The following FAM3C variants were observed in gnomAD, a reference collection of about 807,000 sequenced individuals.
The protein encoded by FAM3C is FAM3 metabolism regulating signaling molecule C.
In FAM3C, 15 loss-of-function variants were observed where a neutral mutation model predicts 32.5. The ratio of observed to expected loss-of-function variants is 0.46; its 90% CI spans 0.31 to 0.71. The LOEUF is 0.71. FAM3C is among the 30% of genes least tolerant of loss of function. FAM3C has a pLI of 0.05. For missense variants in FAM3C, 175 were observed against 274.4 expected, an observed-to-expected ratio of 0.64 and a Z score of 2.56; for synonymous variants, 75 against 86.1, an observed-to-expected ratio of 0.87 and a Z score of 0.72.
At chr7:121,370,489 A>C (rs1332787262) in intron 5 of FAM3C, among the ~76,000 whole-genome samples, 1 of 152,294 alleles carries the variant, frequency 6.6e-6, no homozygotes, top group South Asian at 2.1e-4. Context: ...TTATTATTTT[A>C]TATTAAATTT....
Position 121,351,131 on chromosome 7 carries a change from T to G in FAM3C, c.594+12A>C. On this transcript the variant is annotated intron_variant, in intron 9 of 9. Coordinates refer to ENST00000359943, the MANE Select transcript of FAM3C (RefSeq NM_014888.3). ...TTTGTTTTTGTTAATTCTGAGAGTC[T>G]ATGACACTAACCTGTTCAAAAGGGC... 1 of 1,610,304 alleles carries G rather than the reference T, an allele frequency of 6.2e-7. No individual in the cohort carries two copies. The highest frequency in any genetic ancestry group is 8.5e-7 in the Non-Finnish European group (1 of 1,178,324).
intron 8 of FAM3C, among the ~76,000 whole-genome samples, chr7:121,355,199 T>C (rs926685254): frequency 6.6e-6 from 1 of 152,194 alleles, no homozygotes; most frequent in Non-Finnish European, 1.5e-5. Flanking sequence ...AAGGGAATAG[T>C]AGCTCAAGAA....
chr7:121,355,848 A>G (rs1793797469), intron 8 of FAM3C, among the ~76,000 whole-genome samples: 1 of 152,210 alleles, frequency 6.6e-6, no homozygotes, highest in Non-Finnish European at 1.5e-5. Flanking sequence ...TTTAGACATA[A>G]GCATGACTTT....
rs546098179 is a variant in FAM3C, at chr7:121,362,836, T to C, written c.382+61A>G. On this transcript the variant is annotated intron_variant, in intron 7 of 9. Coordinates refer to ENST00000359943, the MANE Select transcript of FAM3C (RefSeq NM_014888.3). ...ATCATTCTCTCATTAATGGGCTACA[T>C]TGTATTGAGGTGATTAAGTCAGTGC... 11 of 847,498 alleles carry C rather than the reference T, an allele frequency of 1.3e-5. No individual in the cohort carries two copies. The East Asian group carries it at 1.8e-4, about 14-fold the overall frequency. 52.5% of individuals were successfully genotyped at this position (847,498 alleles called of 1,614,324 possible). A position where few individuals can be genotyped will look rare whatever the true frequency, so the allele number is the denominator to read the frequency against.
At chr7:121,355,461 A>G (rs1283546492) in intron 8 of FAM3C, among the ~76,000 whole-genome samples, 1 of 152,226 alleles carries the variant, frequency 6.6e-6, no homozygotes, top group Non-Finnish European at 1.5e-5. Flanking sequence ...AGGGATGACA[A>G]GAAGATCCTG....
intron 8 of FAM3C, 78 bp from the exon 9 acceptor site, chr7:121,351,347 C>T: frequency 7.7e-7 from 1 of 1,303,356 alleles, no homozygotes; most frequent in Non-Finnish European, 1.0e-6. Context: ...GATATTAACA[C>T]AAAACATGAG....
intron 5 of FAM3C, among the ~76,000 whole-genome samples, chr7:121,367,787 T>C (rs1170052779): frequency 6.6e-6 from 1 of 151,974 alleles, no homozygotes; most frequent in Non-Finnish European, 1.5e-5. Context: ...GGCAACACAA[T>C]GGGACCCCAT....
chr7:121,394,063 C>T (rs1794635026), intron 1 of FAM3C, among the ~76,000 whole-genome samples: 2 of 152,202 alleles, frequency 1.3e-5, no homozygotes, highest in Non-Finnish European at 2.9e-5. Context: ...AGATTCCCTG[C>T]TTTAGAGAAA....
intron 8 of FAM3C, among the ~76,000 whole-genome samples, chr7:121,359,354 G>A (rs1793876730): frequency 6.6e-6 from 1 of 151,882 alleles, no homozygotes; most frequent in South Asian, 2.1e-4. Flanking sequence ...GACTAGGCAG[G>A]CATAAACAAT....
chr7:121,350,663 A>G, intron 9 of FAM3C, 113 bp from the exon 10 acceptor site: 1 of 1,107,680 alleles, frequency 9.0e-7, no homozygotes, highest in Non-Finnish European at 1.3e-6. Context: ...CAATAAGTTC[A>G]TTTAAATTAC....
chr7:121,371,485 T>C (rs1794146515), intron 4 of FAM3C, 62 bp from the exon 5 acceptor site: 32 of 1,532,428 alleles, frequency 2.1e-5, no homozygotes, highest in Non-Finnish European at 2.9e-5. Context: ...TTACCTCACT[T>C]TACTTCAAAT....
chr7:121,392,310 G>T (rs527842695), intron 1 of FAM3C, among the ~76,000 whole-genome samples: 1 of 152,292 alleles, frequency 6.6e-6, no homozygotes, highest in Non-Finnish European at 1.5e-5. Context: ...GGCTGGGGAG[G>T]TGTCAGGAAA....
intron 1 of FAM3C, among the ~76,000 whole-genome samples, chr7:121,389,482 T>G (rs1333719648): frequency 6.6e-6 from 1 of 152,174 alleles, no homozygotes; most frequent in Non-Finnish European, 1.5e-5. Flanking sequence ...AGGAAGCACC[T>G]TAAGCAGGTG....
At chr7:121,364,109 A>C (rs1793977559) in intron 6 of FAM3C, 21 bp downstream of exon 6, 1 of 1,518,512 alleles carries the variant, frequency 6.6e-7, no homozygotes, top group Non-Finnish European at 9.1e-7. Context: ...TACATCCATA[A>C]GCTAAAATAA....
intron 2 of FAM3C, among the ~76,000 whole-genome samples, chr7:121,379,759 C>T (rs1465658105): frequency 2.0e-5 from 3 of 152,206 alleles, no homozygotes; most frequent in Admixed American, 2.0e-4. Context: ...CTGATAACTA[C>T]ATGGGGAGCG....
intron 1 of FAM3C, among the ~76,000 whole-genome samples, chr7:121,384,391 A>G (rs1454477794): frequency 1.3e-5 from 2 of 152,146 alleles, no homozygotes; most frequent in African/African-American, 4.8e-5. Context: ...GAAAACCCCA[A>G]CTGGTTATAA....
intron 1 of FAM3C, among the ~76,000 whole-genome samples, chr7:121,384,381 G>A (rs1289284266): frequency 1.3e-5 from 2 of 152,132 alleles, no homozygotes; most frequent in Admixed American, 6.5e-5. Context: ...CTTTTTAAAT[G>A]AAAACCCCAA....
chr7:121,385,778 G>C (rs1045395600), intron 1 of FAM3C, among the ~76,000 whole-genome samples: 3 of 152,026 alleles, frequency 2.0e-5, no homozygotes, highest in Non-Finnish European at 4.4e-5. Flanking sequence ...TACCAGGAGG[G>C]GGATTTCTTG....
intron 7 of FAM3C, among the ~76,000 whole-genome samples, chr7:121,360,830 G>A (rs1305601024): frequency 2.0e-5 from 3 of 151,864 alleles, no homozygotes; most frequent in Non-Finnish European, 4.4e-5. Context: ...GCAAGACCCT[G>A]TCTCAAAAAC....
Sources: allele counts gnomAD v4.1 joint callset (sites outside exome capture counted in the v4.1 genomes callset), GRCh38; gene constraint gnomAD v4.1.1; transcripts MANE v1.5; gene names NCBI Gene and HGNC (gene_info 2026-07-23, HGNC 2026-07-21).